The following MROH7 variants were observed in gnomAD, a reference collection of about 807,000 sequenced individuals.
MROH7 encodes maestro heat like repeat family member 7, also known as maestro heat-like repeat-containing protein family member 7.
MROH7 carries 113 observed loss-of-function variants against 129.2 expected under a neutral mutation model. The observed-to-expected ratio is 0.87, with a 90% confidence interval of 0.75 to 1.02. The LOEUF is 1.02. MROH7 is among the 50% of genes least tolerant of loss of function. MROH7 has a pLI of 0.00. For synonymous variants in MROH7, 655 were observed against 667.9 expected (o/e 0.98, Z 0.30); for missense variants, 1,601 against 1,671.3 (o/e 0.96, Z 0.73).
At chr1:54,690,694 C>T (rs747664908) in intron 15 of MROH7, among the ~76,000 whole-genome samples, 15 of 152,262 alleles carry the variant, frequency 9.9e-5, no homozygotes, top group Non-Finnish European at 1.6e-4. Context: ...CCACCCTCCT[C>T]GGCCACCCAA....
chr1:54,702,759 G>C lies in MROH7; in HGVS notation c.3564+14G>C. On this transcript the variant is annotated intron_variant, in intron 21 of 23. Transcript: ENST00000421030. The stretch of plus-strand genomic sequence containing the variant: ...TGCAAGTGCCTTGTGAGTGCTCCCA[G>C]AGAGTAGAGTGGTTCCTTACAAGCA... 1 of 1,609,628 alleles carries C rather than the reference G, an allele frequency of 6.2e-7. No homozygotes were observed. Among genetic ancestry groups the C allele is most frequent in the South Asian group, 1.1e-5 (1 of 90,250 alleles).
At chr1:54,645,636 T>G (rs866611351) in intron 1 of MROH7, among the ~76,000 whole-genome samples, 4 of 138,968 alleles carry the variant, frequency 2.9e-5, no homozygotes, top group Admixed American at 8.3e-5. Context: ...GATATTTCTT[T>G]TCTTTTCTTT....
chr1:54,681,611 C>T (rs1645070512), intron 13 of MROH7, among the ~76,000 whole-genome samples: 1 of 152,166 alleles, frequency 6.6e-6, no homozygotes, highest in Non-Finnish European at 1.5e-5. Flanking sequence ...TTGAAACCCT[C>T]TTGTAGAAGG....
intron 16 of MROH7, 56 bp from the exon 17 acceptor site, chr1:54,695,320 A>C: frequency 1.1e-6 from 1 of 933,334 alleles, no homozygotes; most frequent in South Asian, 1.5e-5. Flanking sequence ...AATCCCCCCC[A>C]CAGGTCCCCC....
Position 54,653,520 on chromosome 1 carries a change from A to C in MROH7, c.594A>C (p.Ser198=). 1 of 1,614,166 alleles carries C rather than the reference A, an allele frequency of 6.2e-7. No individual in the cohort carries two copies. Among genetic ancestry groups the C allele is most frequent in the Non-Finnish European group, 8.5e-7 (1 of 1,180,022 alleles). The change falls in exon 3 of 24, where the codon TCA becomes TCC. Residue 198 remains serine, a synonymous_variant. Coordinates refer to ENST00000421030, the MANE Select transcript of MROH7 (RefSeq NM_001039464.4). ...GCCACTGCATCTCTAGGCCAAGCTC[A>C]AAAGCACTCCTTATTCCAACCTCAA... The part of the protein sequence containing the change: ...VLGHCISRPS[S]KALLIPTSNS...
intron 4 of MROH7, 78 bp from the exon 5 acceptor site, chr1:54,668,776 A>AGT: frequency 1.9e-6 from 2 of 1,059,508 alleles, no homozygotes; most frequent in Non-Finnish European, 2.9e-6. Flanking sequence ...GGTGGTTAAC[A>AGT]GTGCTGTATG....
Position 54,652,992 on chromosome 1 carries a change from C to G in MROH7, c.66C>G (p.Pro22=), listed in dbSNP as rs771058342. 8 of 1,613,808 alleles carry G rather than the reference C, an allele frequency of 5.0e-6. No homozygotes were observed. In the African/African-American group the frequency reaches 6.7e-5, roughly 13 times the overall value. ...HEDPKMTPSP[P]SCGAPGLGSG... ...ACCCAAAGATGACACCAAGTCCCCC[C>G]TCCTGTGGGGCCCCGGGATTAGGGT... Residue 22 remains proline, a synonymous_variant, in exon 3 of 24, where the codon CCC becomes CCG. Transcript: ENST00000421030.
At chr1:54,709,746 G>A (rs1028391847) in intron 23 of MROH7, among the ~76,000 whole-genome samples, 200 bp from the exon 24 acceptor site, 1 of 152,022 alleles carries the variant, frequency 6.6e-6, no homozygotes, top group African/African-American at 2.4e-5. Flanking sequence ...GGACAGTCCA[G>A]GAAGGCTTCC....
intron 15 of MROH7, 39 bp from the exon 16 acceptor site, chr1:54,692,385 C>T (rs1436078326): frequency 1.2e-6 from 2 of 1,609,104 alleles, no homozygotes; most frequent in Non-Finnish European, 8.5e-7. Context: ...CTGCTAGGGC[C>T]CAGGTAGGCA....
At position 54,673,979 on chromosome 1, in the gene MROH7, C is replaced by A. The variant is rs563040279; in HGVS notation, c.1801-37C>A. 2.5e-6 allele frequency: 4 copies of A among 1,609,018 alleles called. No individual in the cohort carries two copies. In the East Asian group the frequency reaches 8.9e-5, roughly 36 times the overall value. On this transcript the variant is annotated intron_variant, in intron 9 of 23. Coordinates refer to ENST00000421030, the MANE Select transcript of MROH7 (RefSeq NM_001039464.4). ...CATTTAATGTATAGCATTATTGAAC[C>A]TATAACACTCAATCCCTAAGATTGC...
chr1:54,706,534 A>C lies in MROH7; in HGVS notation c.3664A>C (p.Ile1222Leu). ...ASLRKCSVMF[I>L]GSLVPCMESI... Reference sequence around the variant, plus strand: ...CCTCCGGAAGTGCTCAGTCATGTTCATAGGTAACCTGCCCTGGCATAAGTC... The same window carrying C: ...CCTCCGGAAGTGCTCAGTCATGTTCCTAGGTAACCTGCCCTGGCATAAGTC... The change falls in exon 22 of 24, where the codon ATA becomes CTA. Residue 1222 changes from isoleucine (I) to leucine (L), a missense_variant. Coordinates refer to ENST00000421030, the MANE Select transcript of MROH7 (RefSeq NM_001039464.4). The C allele has an allele frequency of 6.2e-7, 1 of 1,610,044 alleles. No homozygotes were observed. The highest frequency in any genetic ancestry group is 8.5e-7 in the Non-Finnish European group (1 of 1,176,966).
intron 15 of MROH7, among the ~76,000 whole-genome samples, chr1:54,687,877 T>TTC (rs2101155985): frequency 6.6e-6 from 1 of 151,550 alleles, no homozygotes; most frequent in Admixed American, 6.6e-5. Context: ...TCTTTCTTTT[T>TTC]TTTTTTTTTG....
At position 54,691,803 on chromosome 1, in the gene MROH7, AGTGTGT is replaced by A. The variant is rs373106798; in HGVS notation, c.2712-592_2712-587del. On this transcript the variant is annotated intron_variant, in intron 15 of 23. Coordinates refer to ENST00000421030, the MANE Select transcript of MROH7 (RefSeq NM_001039464.4). ...CCTGGCGACAAAAAAAAAAAAAAAA[AGTGTGT>A]GTGTGTGTGTGTGTGTGTGTGTGTG... is the stretch of plus-strand genomic sequence containing the variant. Among the ~76,000 whole-genome samples, 187 of 104,180 alleles carry A rather than the reference AGTGTGT, an allele frequency of 1.8e-3. 1 individual carries two copies. The highest frequency in any genetic ancestry group is 4.8e-3 in the Admixed American group (34 of 7,102). The allele number at this position is 104,180 out of a possible 152,430, so 68.3% of individuals were successfully genotyped here.
rs866055169 is a variant in MROH7, at chr1:54,672,809, G to A, written c.1600-282G>A. 2.6e-5 allele frequency among the ~76,000 whole-genome samples: 4 copies of A among 152,136 alleles called. No homozygotes were observed. In the South Asian group the frequency reaches 6.2e-4, roughly 24 times the overall value. ...TGGCAAATCACCAGGTAGCCACCTGGTCCATGGTAGATTCTCAGTATATGC... is the reference window on the plus strand; with the variant it reads ...TGGCAAATCACCAGGTAGCCACCTGATCCATGGTAGATTCTCAGTATATGC... On this transcript the variant is annotated intron_variant, in intron 7 of 23. Transcript: ENST00000421030.
At chr1:54,665,515 TA>T (rs2101094530) in intron 4 of MROH7, 1 of 296,334 alleles carries the variant, frequency 3.4e-6, no homozygotes, top group Non-Finnish European at 6.3e-6. Flanking sequence ...GCCTGGCACA[TA>T]ATAGATGCTC....
At chr1:54,686,580 C>A in intron 15 of MROH7, 132 bp downstream of exon 15, 1 of 789,180 alleles carries the variant, frequency 1.3e-6, no homozygotes, top group Non-Finnish European at 2.0e-6. Flanking sequence ...AAAACAGAAG[C>A]ACAATTTTAT....
intron 15 of MROH7, among the ~76,000 whole-genome samples, chr1:54,687,930 G>A (rs1645174702): frequency 7.0e-6 from 1 of 142,308 alleles, no homozygotes; most frequent in South Asian, 2.3e-4. Context: ...GTGCAGTGGT[G>A]CAAACATGGC....
rs1035620835 is a variant in MROH7, at chr1:54,654,003, T to C, written c.1077T>C (p.Asp359=). The C allele has an allele frequency of 1.9e-6, 3 of 1,614,230 alleles. No homozygotes were observed. The highest frequency in any genetic ancestry group is 1.7e-6 in the Non-Finnish European group (2 of 1,180,038). ...TGACGCTGAGCAGTCAGCAGGATGA[T>C]GCCAAGGACAACAGCATCCACACTG... is the stretch of plus-strand genomic sequence containing the variant. The part of the protein sequence containing the change: ...STLTLSSQQD[D]AKDNSIHTVP... The change falls in exon 3 of 24, where the codon GAT becomes GAC. Residue 359 remains aspartate, a synonymous_variant. Coordinates refer to ENST00000421030, the MANE Select transcript of MROH7 (RefSeq NM_001039464.4).
chr1:54,706,532 TCATAGGTAACCTGCCCTGG>T lies in MROH7; in HGVS notation c.3667_3667+18del. Reference sequence around the variant, plus strand: ...TCCCTCCGGAAGTGCTCAGTCATGTTCATAGGTAACCTGCCCTGGCATAAGTCATCCTGCTGCCAGGGCT... The same window carrying T: ...TCCCTCCGGAAGTGCTCAGTCATGTTCATAAGTCATCCTGCTGCCAGGGCT... On this transcript the variant is annotated splice_donor_variant and splice_donor_5th_base_variant and coding_sequence_variant and intron_variant, in exon 22 of 24. Coordinates refer to ENST00000421030, the MANE Select transcript of MROH7 (RefSeq NM_001039464.4). LOFTEE classifies it high-confidence loss of function. 1.2e-6 allele frequency: 2 copies of T among 1,611,976 alleles called. No individual in the cohort carries two copies. Among genetic ancestry groups the T allele is most frequent in the South Asian group, 2.2e-5 (2 of 91,020 alleles).
Sources: allele counts gnomAD v4.1 joint callset (sites outside exome capture counted in the v4.1 genomes callset), GRCh38; gene constraint gnomAD v4.1.1; transcripts MANE v1.5; gene names NCBI Gene and HGNC (gene_info 2026-07-23, HGNC 2026-07-21).